The following CHL1 variants were observed in gnomAD, a reference collection of about 807,000 sequenced individuals.
CHL1 encodes the protein cell adhesion molecule L1 like, also known as neural cell adhesion molecule L1-like protein.
CHL1 carries 96 observed loss-of-function variants against 141.9 expected under a neutral mutation model. The ratio of observed to expected loss-of-function variants is 0.68; its 90% CI spans 0.57 to 0.80. The LOEUF (loss-of-function observed/expected upper bound fraction) is 0.80, where lower values mean the gene tolerates loss of function less well. CHL1 is among the 30% of genes least tolerant of loss of function. CHL1 has a pLI of 0.00. For synonymous variants in CHL1, 613 were observed against 502.2 expected (o/e 1.22, Z -2.95); for missense variants, 1,820 against 1,457.2 (o/e 1.25, Z -4.05).
intron 2 of CHL1, among the ~76,000 whole-genome samples, chr3:291,961 C>G (rs1175403075): frequency 6.6e-6 from 1 of 152,148 alleles, no homozygotes; most frequent in East Asian, 1.9e-4. Context: ...TAAGGCAGGA[C>G]TTATGCTCAC....
intron 7 of CHL1, 59 bp from the exon 8 acceptor site, chr3:342,925 T>C: frequency 7.3e-7 from 1 of 1,376,538 alleles, no homozygotes; most frequent in East Asian, 2.3e-5. Context: ...TTTCATTCTT[T>C]ATTGATATCA....
At chr3:395,023 A>T (rs1011745076) in intron 24 of CHL1, 151 bp downstream of exon 24, 1 of 650,192 alleles carries the variant, frequency 1.5e-6, no homozygotes, top group Non-Finnish European at 2.5e-6. Context: ...TTTTCCACTG[A>T]CATAGAGGCA....
intron 1 of CHL1, among the ~76,000 whole-genome samples, chr3:226,980 G>C (rs1701411741): frequency 6.6e-6 from 1 of 152,168 alleles, no homozygotes; most frequent in Non-Finnish European, 1.5e-5. Context: ...ATGCATGGCA[G>C]ATTAATTTAT....
intron 24 of CHL1, among the ~76,000 whole-genome samples, chr3:395,437 T>G (rs1708590708): frequency 6.6e-6 from 1 of 152,240 alleles, no homozygotes; most frequent in Non-Finnish European, 1.5e-5. Context: ...TTCTGTTTTT[T>G]TCTACCTTTA....
chr3:266,858 A>G (rs1047424262), intron 2 of CHL1, among the ~76,000 whole-genome samples: 1 of 152,148 alleles, frequency 6.6e-6, no homozygotes, highest in Non-Finnish European at 1.5e-5. Context: ...TGATATTACA[A>G]CAATAGTTAA....
At chr3:218,885 A>G (rs187668566) in intron 1 of CHL1, among the ~76,000 whole-genome samples, 218 of 152,280 alleles carry the variant, frequency 1.4e-3, no homozygotes, top group Middle Eastern at 3.4e-3. Flanking sequence ...ACTGGCTCAC[A>G]CCTGTAATCC....
chr3:254,954 A>G (rs406596), intron 2 of CHL1, among the ~76,000 whole-genome samples: 34,316 of 152,012 alleles, frequency 0.23, 4,562 homozygotes, highest in East Asian at 0.39. Context: ...CCATCATGCA[A>G]AGAAGCCAAA....
chr3:343,123 A>G (rs1702470579), intron 8 of CHL1, 92 bp downstream of exon 8: 1 of 936,638 alleles, frequency 1.1e-6, no homozygotes, highest in East Asian at 2.5e-5. Context: ...TCTTAAGTTT[A>G]TTACAATACT....
At chr3:349,147 G>A (rs936202339) in intron 9 of CHL1, among the ~76,000 whole-genome samples, 6 of 152,174 alleles carry the variant, frequency 3.9e-5, no homozygotes, top group Non-Finnish European at 7.3e-5. Flanking sequence ...ACAGACCACT[G>A]GAGGAACTTT....
chr3:395,522 C>T (rs1708599029), intron 24 of CHL1, among the ~76,000 whole-genome samples: 1 of 152,140 alleles, frequency 6.6e-6, no homozygotes, highest in African/African-American at 2.4e-5. Context: ...ATGATAGCAA[C>T]AGGACCTTTG....
chr3:368,903 T>C (rs575798588), intron 15 of CHL1, among the ~76,000 whole-genome samples: 3 of 152,200 alleles, frequency 2.0e-5, no homozygotes, highest in East Asian at 3.8e-4. Context: ...CAGATGATTA[T>C]AGATGTGTGG....
chr3:389,133 A>T, intron 19 of CHL1, 119 bp from the exon 20 acceptor site: 1 of 789,810 alleles, frequency 1.3e-6, no homozygotes, highest in Non-Finnish European at 2.0e-6. Flanking sequence ...GGGATTTAAG[A>T]TCTCTCAACA....
intron 1 of CHL1, among the ~76,000 whole-genome samples, chr3:242,309 G>A (rs9852287): frequency 8.0e-6 from 1 of 125,506 alleles, no homozygotes; most frequent in East Asian, 2.7e-4. Flanking sequence ...TAATAATACA[G>A]AGACTGGCTG....
chr3:205,024 T>A (rs1352248558), intron 1 of CHL1, among the ~76,000 whole-genome samples: 1 of 152,142 alleles, frequency 6.6e-6, no homozygotes, highest in African/African-American at 2.4e-5. Flanking sequence ...TAAATCATCT[T>A]AGATATCCTA....
chr3:271,026 A>C (rs1211157603), intron 2 of CHL1, among the ~76,000 whole-genome samples: 2 of 152,168 alleles, frequency 1.3e-5, no homozygotes, highest in Non-Finnish European at 2.9e-5. Flanking sequence ...TCAAGGAGAG[A>C]GGTATAAGCC....
chr3:267,650 C>T lies in CHL1; in HGVS notation c.-95+22958C>T, dbSNP rs1695271201. 2.0e-5 allele frequency among the ~76,000 whole-genome samples: 3 copies of T among 152,066 alleles called. No homozygotes were observed. In the South Asian group the frequency reaches 6.2e-4, roughly 31 times the overall value. ...TTATCTTTACCGATTTTAAAATTAA[C>T]ACCTAATTAAACCGTGTGTGTATTT... On this transcript the variant is annotated intron_variant, in intron 2 of 27. Transcript: ENST00000256509.
chr3:383,984 A>G (rs921237981), intron 19 of CHL1, 98 bp downstream of exon 19: 23 of 750,084 alleles, frequency 3.1e-5, no homozygotes, highest in Non-Finnish European at 4.6e-5. Context: ...TTTTTTAAGA[A>G]CAAAGATAAG....
intron 1 of CHL1, chr3:197,558 G>A: frequency 6.4e-6 from 2 of 313,180 alleles, no homozygotes; most frequent in Non-Finnish European, 1.3e-5. Context: ...CCTGGTGTGT[G>A]GGGCTCAGAC....
chr3:399,136 G>A lies in CHL1; in HGVS notation c.3373G>A (p.Gly1125Arg), dbSNP rs372848017. The A allele has an allele frequency of 2.3e-4, 375 of 1,609,574 alleles. No individual in the cohort carries two copies. The highest frequency in any genetic ancestry group is 3.1e-4 in the Non-Finnish European group (367 of 1,176,244). Residue 1125 changes from glycine to arginine, a missense_variant, in exon 26 of 28, where the codon GGA (glycine) becomes AGA (arginine). Gly to Arg is a moderately radical substitution (Grantham distance 125). Transcript: ENST00000256509. ...TTGCTTTGTGAAGAGGAATAGAGGT[G>A]GAAAGTACTCAGGTAAAATTGTTTC... is the stretch of plus-strand genomic sequence containing the variant. ...TVCFVKRNRG[G>R]KYSVKEKEDL...
Sources: allele counts gnomAD v4.1 joint callset (sites outside exome capture counted in the v4.1 genomes callset), GRCh38; gene constraint gnomAD v4.1.1; transcripts MANE v1.5; gene names NCBI Gene and HGNC (gene_info 2026-07-23, HGNC 2026-07-21).